DPH6: variants seen among roughly 807,000 people sequenced by gnomAD.
DPH6 encodes diphthamine biosynthesis 6.
A neutral mutation model predicts 38.2 loss-of-function variants in DPH6; 33 were observed. The ratio of observed to expected loss-of-function variants is 0.86; its 90% CI spans 0.65 to 1.15. DPH6 has a LOEUF of 1.15. Ranked by LOEUF, DPH6 falls within the 50% of genes most tolerant of loss-of-function variation. DPH6 has a pLI of 0.00. For missense variants in DPH6, 325 were observed against 320.0 expected, an observed-to-expected ratio of 1.02 and a Z score of -0.12; for synonymous variants, 108 against 103.0, an observed-to-expected ratio of 1.05 and a Z score of -0.30.
In DPH6 at chr15:35,268,643, A is replaced by ATCTT. The variant is rs1451346570; in HGVS notation, n.201-48062_201-48061insAAGA. On this transcript the variant is annotated intron_variant and non_coding_transcript_variant, in intron 3 of 3. Coordinates refer to the DPH6 transcript ENST00000560386. ...AGGTGGTTACAGTATATCTTCTAAT[A>ATCTT]CTATATATTTTTGAAAACATAAGAT... Among the ~76,000 whole-genome samples the ATCTT allele has an allele frequency of 3.1e-4, 47 of 151,916 alleles. 1 individual carries two copies. Among genetic ancestry groups the ATCTT allele is most frequent in the Non-Finnish European group, 1.2e-4 (8 of 67,964 alleles).
intron 3 of DPH6, among the ~76,000 whole-genome samples, chr15:35,524,339 T>C (rs1013531916): frequency 1.3e-5 from 2 of 152,130 alleles, no homozygotes; most frequent in African/African-American, 4.8e-5. Flanking sequence ...CTTTGAGTAG[T>C]AATTATTTAA....
chr15:35,206,199 T>A, the DPH6 span, among the ~76,000 whole-genome samples: 1 of 152,268 alleles, frequency 6.6e-6, no homozygotes, highest in East Asian at 1.9e-4. Flanking sequence ...ATTTTGTTTA[T>A]TTTTACCAGT....
In DPH6 at chr15:35,313,592, G is replaced by A. The variant is rs1456542176; in HGVS notation, n.200+59929C>T. Among the ~76,000 whole-genome samples the A allele has an allele frequency of 2.6e-5, 4 of 151,708 alleles. No homozygotes were observed. In the East Asian group the frequency reaches 7.7e-4, roughly 29 times the overall value. ...GATTCCTAGGTATTATATATTATTCGTATCTATTGCAAATGAGACTGTTTC... is the reference window on the plus strand; with the variant it reads ...GATTCCTAGGTATTATATATTATTCATATCTATTGCAAATGAGACTGTTTC... On this transcript the variant is annotated intron_variant and non_coding_transcript_variant, in intron 3 of 3. Coordinates refer to the DPH6 transcript ENST00000560386.
chr15:35,149,725 T>C, the DPH6 span, among the ~76,000 whole-genome samples: 2 of 152,222 alleles, frequency 1.3e-5, no homozygotes, highest in East Asian at 1.9e-4. Flanking sequence ...TTTATAGAAT[T>C]TGACACAACT....
chr15:35,459,663 G>A (rs1322337833), intron 3 of DPH6, among the ~76,000 whole-genome samples: 1 of 152,150 alleles, frequency 6.6e-6, no homozygotes, highest in African/African-American at 2.4e-5. Context: ...TGAGAAGAGG[G>A]CTGAGTGGAA....
intron 7 of DPH6, among the ~76,000 whole-genome samples, chr15:35,374,836 A>T (rs1298861447): frequency 2.0e-5 from 3 of 152,034 alleles, no homozygotes; most frequent in African/African-American, 7.2e-5. Flanking sequence ...GAAAGTACAG[A>T]GGAGGCCCTC....
chr15:35,479,310 G>A (rs2054299603), intron 3 of DPH6, among the ~76,000 whole-genome samples: 1 of 152,040 alleles, frequency 6.6e-6, no homozygotes, highest in Non-Finnish European at 1.5e-5. Flanking sequence ...CTACCTATGA[G>A]TATAGGATCA....
rs1367333653 is a variant in DPH6, at chr15:35,242,802, C to T, written n.201-22220G>A. Among the ~76,000 whole-genome samples, 16 of 142,118 alleles carry T rather than the reference C, an allele frequency of 1.1e-4. 1 individual carries two copies. The highest frequency in any genetic ancestry group is 1.5e-5 in the Non-Finnish European group (1 of 65,060). 93.2% of individuals were successfully genotyped at this position (142,118 alleles called of 152,430 possible). On this transcript the variant is annotated intron_variant and non_coding_transcript_variant, in intron 3 of 3. Transcript: ENST00000560386. ...TAGGCCCCAGTCTCATTCCAGACAC[C>T]AGACCAACTTCGACTGTGCCCCCAA...
chr15:35,454,263 T>C (rs1043937714), intron 4 of DPH6, among the ~76,000 whole-genome samples: 11 of 152,136 alleles, frequency 7.2e-5, no homozygotes, highest in African/African-American at 2.7e-4. Context: ...AAAAATTCCC[T>C]GAAAGTTGAA....
At chr15:35,385,745 C>T (rs535877822) in intron 6 of DPH6, among the ~76,000 whole-genome samples, 1 of 151,994 alleles carries the variant, frequency 6.6e-6, no homozygotes, top group East Asian at 1.9e-4. Context: ...CACATGTATC[C>T]CAGAACTTAA....
intron 3 of DPH6, among the ~76,000 whole-genome samples, chr15:35,247,030 AAACT>A (rs1196273586): frequency 6.6e-6 from 1 of 152,186 alleles, no homozygotes; most frequent in Non-Finnish European, 1.5e-5. Context: ...ATGTTAAAAC[AAACT>A]ATCTCTTGCT....
intron 5 of DPH6, among the ~76,000 whole-genome samples, chr15:35,441,921 G>C (rs909268954): frequency 5.3e-5 from 8 of 152,078 alleles, no homozygotes; most frequent in Non-Finnish European, 1.0e-4. Flanking sequence ...AGAGCTAAAA[G>C]TATAAAACTC....
intron 3 of DPH6, among the ~76,000 whole-genome samples, chr15:35,318,850 T>C (rs1212808838): frequency 1.3e-5 from 2 of 152,206 alleles, no homozygotes; most frequent in Admixed American, 6.5e-5. Flanking sequence ...TATATAAATA[T>C]ATTTTATGGG....
chr15:35,435,837 C>T (rs1212439191), intron 5 of DPH6, among the ~76,000 whole-genome samples: 1 of 151,894 alleles, frequency 6.6e-6, no homozygotes, highest in East Asian at 1.9e-4. Context: ...CCTTCTTGTC[C>T]TTGGACTTCT....
intron 3 of DPH6, among the ~76,000 whole-genome samples, chr15:35,485,980 C>T (rs1363465058): frequency 6.6e-6 from 1 of 152,168 alleles, no homozygotes; most frequent in Non-Finnish European, 1.5e-5. Flanking sequence ...TTTCACACTG[C>T]TATAAAGAAC....
At chr15:35,196,563 G>A in the DPH6 span, among the ~76,000 whole-genome samples, 1 of 152,198 alleles carries the variant, frequency 6.6e-6, no homozygotes, top group African/African-American at 2.4e-5. Flanking sequence ...ATTCTGGGTA[G>A]TTGATCCACA....
At chr15:35,513,121 C>T (rs554597154) in intron 3 of DPH6, among the ~76,000 whole-genome samples, 48 of 152,086 alleles carry the variant, frequency 3.2e-4, no homozygotes, top group African/African-American at 1.1e-3. Flanking sequence ...TACAGCAATA[C>T]CACACACAGG....
At chr15:35,161,954 A>G in the DPH6 span, among the ~76,000 whole-genome samples, 2 of 151,882 alleles carry the variant, frequency 1.3e-5, no homozygotes, top group East Asian at 1.9e-4. Flanking sequence ...CCCCATTTTG[A>G]TAAGTGGCAG....
At chr15:35,295,065 T>C (rs2140790371) in intron 3 of DPH6, among the ~76,000 whole-genome samples, 1 of 152,218 alleles carries the variant, frequency 6.6e-6, no homozygotes, top group Non-Finnish European at 1.5e-5. Flanking sequence ...TGCTCTTCCT[T>C]AACTAACACA....
Sources: allele counts gnomAD v4.1 joint callset (sites outside exome capture counted in the v4.1 genomes callset), GRCh38; gene constraint gnomAD v4.1.1; transcripts MANE v1.5; gene names NCBI Gene and HGNC (gene_info 2026-07-23, HGNC 2026-07-21).